SORCS3: variants seen among roughly 807,000 people sequenced by gnomAD.
The protein encoded by SORCS3 is sortilin related VPS10 domain containing receptor 3, also known as VPS10 domain-containing receptor SorCS3.
In SORCS3, 57 loss-of-function variants were observed where a neutral mutation model predicts 146.3. The observed-to-expected ratio is 0.39, with a 90% CI of 0.31 to 0.49. The LOEUF (loss-of-function observed/expected upper bound fraction) is 0.49, where lower values mean the gene tolerates loss of function less well. SORCS3 is among the 20% of genes least tolerant of loss of function. The pLI is 0.92. For missense variants in SORCS3, 1,341 were observed against 1,575.5 expected (o/e 0.85, Z 2.52); for synonymous variants, 653 against 618.5 (o/e 1.06, Z -0.83).
intron 14 of SORCS3, among the ~76,000 whole-genome samples, chr10:105,183,353 A>G (rs1310410784): frequency 1.3e-5 from 2 of 150,090 alleles, no homozygotes; most frequent in African/African-American, 2.5e-5. Context: ...CAAACCCCAA[A>G]GCTGCAGAGG....
chr10:104,883,979 G>GGT (rs113173733), intron 2 of SORCS3, among the ~76,000 whole-genome samples: 10 of 149,018 alleles, frequency 6.7e-5, no homozygotes, highest in African/African-American at 1.0e-4. Context: ...GTGGAATGAG[G>GGT]GGGGGGAAAG....
chr10:105,245,841 T>A (rs1172298408), intron 21 of SORCS3, among the ~76,000 whole-genome samples, 176 bp downstream of exon 21: 2 of 152,224 alleles, frequency 1.3e-5, no homozygotes, highest in Non-Finnish European at 2.9e-5. Flanking sequence ...ATAAGAGACG[T>A]ATACCACAAA....
At chr10:105,187,752 C>A (rs1350681689) in intron 14 of SORCS3, among the ~76,000 whole-genome samples, 1 of 152,144 alleles carries the variant, frequency 6.6e-6, no homozygotes, top group Non-Finnish European at 1.5e-5. Context: ...TTTATTATTT[C>A]TTTACTCAAC....
intron 22 of SORCS3, among the ~76,000 whole-genome samples, chr10:105,248,550 C>T (rs541034392): frequency 4.6e-5 from 7 of 152,112 alleles, no homozygotes; most frequent in African/African-American, 1.7e-4. Context: ...CCTGTCTCTA[C>T]TAAAAGTACA....
chr10:105,059,863 G>A (rs1226201502), intron 5 of SORCS3, among the ~76,000 whole-genome samples: 2 of 152,220 alleles, frequency 1.3e-5, no homozygotes, highest in Non-Finnish European at 2.9e-5. Flanking sequence ...TGGATTCATA[G>A]CATGAAGCAG....
intron 3 of SORCS3, among the ~76,000 whole-genome samples, chr10:104,943,689 A>G (rs1332115482): frequency 2.0e-5 from 3 of 152,148 alleles, no homozygotes; most frequent in Admixed American, 2.0e-4. Flanking sequence ...ATTCTAATGG[A>G]CTTTTTCTGT....
chr10:105,066,607 T>TCATG (rs1462419382), intron 5 of SORCS3, among the ~76,000 whole-genome samples: 1 of 152,124 alleles, frequency 6.6e-6, no homozygotes, highest in Non-Finnish European at 1.5e-5. Flanking sequence ...CCTCAGCATG[T>TCATG]CATGTCATTC....
At chr10:104,810,233 G>A (rs1023917329) in intron 1 of SORCS3, among the ~76,000 whole-genome samples, 11 of 152,288 alleles carry the variant, frequency 7.2e-5, no homozygotes, top group African/African-American at 2.4e-4. Flanking sequence ...TCTGTTGTAA[G>A]AAATTAGAAA....
At chr10:105,096,434 G>T (rs942619957) in intron 6 of SORCS3, among the ~76,000 whole-genome samples, 2 of 152,094 alleles carry the variant, frequency 1.3e-5, no homozygotes, top group Admixed American at 1.3e-4. Context: ...CTGAGCTGCC[G>T]GGTATATACA....
chr10:104,904,218 G>A (rs940738499), intron 2 of SORCS3, among the ~76,000 whole-genome samples: 1 of 152,120 alleles, frequency 6.6e-6, no homozygotes, highest in Non-Finnish European at 1.5e-5. Context: ...TCACACTTTG[G>A]CGTCAATGTG....
At chr10:105,188,011 G>A (rs2056490206) in intron 14 of SORCS3, among the ~76,000 whole-genome samples, 1 of 152,102 alleles carries the variant, frequency 6.6e-6, no homozygotes, top group Non-Finnish European at 1.5e-5. Flanking sequence ...TGCTGGTGGT[G>A]GTGGTGTGTG....
chr10:104,762,012 G>T (rs539502318), intron 1 of SORCS3, among the ~76,000 whole-genome samples: 153 of 152,276 alleles, frequency 1.0e-3, no homozygotes, highest in Non-Finnish European at 1.8e-3. Flanking sequence ...AAATTTCATG[G>T]AAACACTCCT....
At chr10:104,752,121 G>A (rs796636317) in intron 1 of SORCS3, among the ~76,000 whole-genome samples, 4 of 150,096 alleles carry the variant, frequency 2.7e-5, no homozygotes. Flanking sequence ...TGTAACCTCC[G>A]CCTCCCAGGT....
At chr10:105,127,921 C>T (rs2055987725) in intron 7 of SORCS3, among the ~76,000 whole-genome samples, 1 of 152,136 alleles carries the variant, frequency 6.6e-6, no homozygotes, top group Non-Finnish European at 1.5e-5. Flanking sequence ...AATAACTTCT[C>T]CTATACTAGC....
intron 7 of SORCS3, among the ~76,000 whole-genome samples, chr10:105,135,596 C>T (rs573780237): frequency 2.0e-5 from 3 of 152,250 alleles, no homozygotes; most frequent in Non-Finnish European, 4.4e-5. Flanking sequence ...CAATTGTAAG[C>T]TGCCTTTAAT....
chr10:104,786,000 C>G (rs2017430831), intron 1 of SORCS3, among the ~76,000 whole-genome samples: 1 of 152,180 alleles, frequency 6.6e-6, no homozygotes, highest in African/African-American at 2.4e-5. Flanking sequence ...GCTGTAATTG[C>G]TTTTGTGAAT....
intron 2 of SORCS3, among the ~76,000 whole-genome samples, chr10:104,866,700 A>G (rs2018462277): frequency 6.6e-6 from 1 of 152,168 alleles, no homozygotes; most frequent in East Asian, 1.9e-4. Flanking sequence ...TCATTCATTC[A>G]TTGTTCATTT....
At chr10:105,182,794 C>T (rs916782847) in intron 14 of SORCS3, among the ~76,000 whole-genome samples, 4 of 152,022 alleles carry the variant, frequency 2.6e-5, no homozygotes, top group African/African-American at 9.7e-5. Context: ...CTCCCAGGCT[C>T]AGGGGTCAAG....
intron 1 of SORCS3, among the ~76,000 whole-genome samples, chr10:104,702,236 C>T (rs1280727508): frequency 6.6e-6 from 1 of 152,174 alleles, no homozygotes; most frequent in Non-Finnish European, 1.5e-5. Context: ...CAGCTGCCAT[C>T]CAGTTCCCTT....
Sources: allele counts gnomAD v4.1 joint callset (sites outside exome capture counted in the v4.1 genomes callset), GRCh38; gene constraint gnomAD v4.1.1; transcripts MANE v1.5; gene names NCBI Gene and HGNC (gene_info 2026-07-23, HGNC 2026-07-21).